Variants in PTPRT observed in about 807,000 individuals in gnomAD.
PTPRT encodes protein tyrosine phosphatase receptor type T.
Under a neutral mutation model 176.8 loss-of-function variants are expected in PTPRT, and 56 were observed. The ratio of observed to expected loss-of-function variants is 0.32; its 90% confidence interval spans 0.26 to 0.40. PTPRT has a LOEUF of 0.40. Ranked by LOEUF, PTPRT falls within the 10% of genes least tolerant of loss-of-function variation. The probability of loss-of-function intolerance (pLI) is 1.00; values close to 1 mark genes in which losing one functional copy is unlikely to be tolerated. For missense variants in PTPRT, 1,540 were observed against 1,908.2 expected, an observed-to-expected ratio of 0.81 and a Z score of 3.60; for synonymous variants, 783 against 739.0, an observed-to-expected ratio of 1.06 and a Z score of -0.96.
intron 5 of PTPRT, among the ~76,000 whole-genome samples, chr20:42,767,058 A>T (rs1425854895): frequency 6.6e-6 from 1 of 152,200 alleles, no homozygotes; most frequent in East Asian, 1.9e-4. Flanking sequence ...GAAACATCTC[A>T]GGAGAAACTG....
At chr20:42,581,659 G>C (rs943123972) in intron 7 of PTPRT, among the ~76,000 whole-genome samples, 1 of 152,106 alleles carries the variant, frequency 6.6e-6, no homozygotes, top group African/African-American at 2.4e-5. Flanking sequence ...TTTGACAAAT[G>C]AGTTTGCATA....
chr20:43,065,641 G>A (rs2011106348), intron 1 of PTPRT, among the ~76,000 whole-genome samples: 1 of 152,192 alleles, frequency 6.6e-6, no homozygotes, highest in Non-Finnish European at 1.5e-5. Context: ...TTAGCACAAT[G>A]AATCAGATGA....
chr20:42,169,408 A>G (rs975396402), intron 16 of PTPRT, among the ~76,000 whole-genome samples: 3 of 152,060 alleles, frequency 2.0e-5, no homozygotes, highest in Non-Finnish European at 2.9e-5. Flanking sequence ...GGATGGTGTT[A>G]GACACTCTAT....
intron 7 of PTPRT, among the ~76,000 whole-genome samples, chr20:42,511,503 T>C (rs1039059195): frequency 2.6e-5 from 4 of 151,832 alleles, no homozygotes; most frequent in Admixed American, 6.6e-5. Flanking sequence ...ACTCATCGTT[T>C]GTGGACTTTT....
intron 1 of PTPRT, among the ~76,000 whole-genome samples, chr20:42,961,598 G>A (rs180705943): frequency 1.8e-3 from 271 of 152,302 alleles, no homozygotes; most frequent in African/African-American, 6.5e-3. Context: ...TTTAGGGCAG[G>A]GGAGAGGAAA....
At chr20:42,276,080 C>T (rs920458025) in intron 13 of PTPRT, among the ~76,000 whole-genome samples, 1 of 152,110 alleles carries the variant, frequency 6.6e-6, no homozygotes, top group African/African-American at 2.4e-5. Context: ...CCTGGTTGCT[C>T]TAGCTAGATT....
intron 15 of PTPRT, among the ~76,000 whole-genome samples, chr20:42,226,697 T>G (rs2056019975): frequency 6.6e-6 from 1 of 152,162 alleles, no homozygotes; most frequent in Non-Finnish European, 1.5e-5. Context: ...CTTTCGGAAG[T>G]AAACCCAATC....
Position 42,875,958 on chromosome 20 carries a change from G to A in PTPRT, c.214+9849C>T, listed in dbSNP as rs149418302. Reference sequence around the variant, plus strand: ...TACTATATTTCAAGTACTTAGGATAGTACCTGACACATAGTAAGCACTACA... The same window carrying A: ...TACTATATTTCAAGTACTTAGGATAATACCTGACACATAGTAAGCACTACA... On this transcript the variant is annotated intron_variant, in intron 2 of 30. Transcript: ENST00000373187. 1.3e-3 allele frequency among the ~76,000 whole-genome samples: 193 copies of A among 152,326 alleles called. 1 individual carries two copies. Among genetic ancestry groups the A allele is most frequent in the Middle Eastern group, 0.01 (3 of 294 alleles).
intron 7 of PTPRT, among the ~76,000 whole-genome samples, chr20:42,611,287 T>G (rs2073971742): frequency 6.6e-6 from 1 of 152,236 alleles, no homozygotes; most frequent in Non-Finnish European, 1.5e-5. Flanking sequence ...ACAACAACAG[T>G]GTATGAGGAT....
chr20:42,207,882 C>T (rs2055513144), intron 15 of PTPRT, among the ~76,000 whole-genome samples: 1 of 5,694 alleles, frequency 1.8e-4, no homozygotes, highest in African/African-American at 7.2e-4. Flanking sequence ...ATGTTAAGGG[C>T]AGCCAGAGAG....
intron 1 of PTPRT, among the ~76,000 whole-genome samples, chr20:43,045,584 G>A (rs1028061861): frequency 2.0e-5 from 3 of 148,992 alleles, no homozygotes; most frequent in African/African-American, 7.5e-5. Flanking sequence ...CTCCCAAGTA[G>A]CTAGGACTAC....
chr20:42,355,440 G>A (rs1197760482), intron 9 of PTPRT, among the ~76,000 whole-genome samples: 1 of 152,222 alleles, frequency 6.6e-6, no homozygotes, highest in Non-Finnish European at 1.5e-5. Context: ...AATGCTCGTG[G>A]AGGTATCTCA....
chr20:42,471,034 G>A (rs943757568), intron 8 of PTPRT, among the ~76,000 whole-genome samples: 1 of 152,110 alleles, frequency 6.6e-6, no homozygotes, highest in Non-Finnish European at 1.5e-5. Flanking sequence ...AGGAAAGTCA[G>A]TATAGAATTG....
At chr20:42,598,695 A>G (rs1025362160) in intron 7 of PTPRT, among the ~76,000 whole-genome samples, 17 of 134,008 alleles carry the variant, frequency 1.3e-4, no homozygotes, top group African/African-American at 1.9e-4. Context: ...ATACATAGGG[A>G]AAAAAAAAAT....
chr20:43,117,529 C>A (rs1316000537), intron 1 of PTPRT, among the ~76,000 whole-genome samples: 1 of 152,042 alleles, frequency 6.6e-6, no homozygotes, highest in Non-Finnish European at 1.5e-5. Context: ...GGGTGGGGGA[C>A]AGCCAAGAGC....
chr20:42,791,413 G>A lies in PTPRT; in HGVS notation c.268C>T (p.Leu90Phe), dbSNP rs547588566. Reference protein sequence around the residue: ...SGRASGQKAHLLLPTLKENDT... With the variant: ...SGRASGQKAHFLLPTLKENDT... ...TTCTCCTTCAGGGTTGGCAGGAGAAGGTGGGCCTTCTGGCCAGAGGCTCTC... is the reference window on the plus strand; with the variant it reads ...TTCTCCTTCAGGGTTGGCAGGAGAAAGTGGGCCTTCTGGCCAGAGGCTCTC... Residue 90 changes from leucine to phenylalanine, a missense_variant, in exon 3 of 31, where the codon CTT becomes TTT. Physicochemically the swap from Leu to Phe is conservative, Grantham distance 22. Coordinates refer to ENST00000373187, the MANE Select transcript of PTPRT (RefSeq NM_007050.6). The A allele has an allele frequency of 1.3e-5, 21 of 1,613,956 alleles. No homozygotes were observed. The South Asian group carries it at 2.2e-4, about 17-fold the overall frequency.
intron 7 of PTPRT, among the ~76,000 whole-genome samples, chr20:42,491,363 C>T (rs1216249571): frequency 6.6e-6 from 1 of 152,148 alleles, no homozygotes; most frequent in Non-Finnish European, 1.5e-5. Context: ...CATGAGGTTT[C>T]ATCACAGTAT....
intron 15 of PTPRT, among the ~76,000 whole-genome samples, chr20:42,199,961 C>A (rs535659413): frequency 3.3e-5 from 5 of 151,860 alleles, no homozygotes; most frequent in Non-Finnish European, 5.9e-5. Flanking sequence ...CAGAACCAGA[C>A]GGATATTATC....
chr20:42,236,373 T>G (rs1298371522), intron 14 of PTPRT, 115 bp from the exon 15 acceptor site: 2 of 890,350 alleles, frequency 2.2e-6, no homozygotes, highest in Non-Finnish European at 1.8e-6. Flanking sequence ...AATGCACATA[T>G]TATTTCAGCA....
Sources: gnomAD v4.1 joint callset for allele counts (sites outside exome capture counted in the v4.1 genomes callset) on GRCh38, gnomAD v4.1.1 for gene constraint, MANE v1.5 for transcripts, NCBI Gene and HGNC (gene_info 2026-07-23, HGNC 2026-07-21) for gene names.